Variants in TMEM132D observed in about 807,000 individuals in gnomAD.
TMEM132D encodes mature OL transmembrane protein.
In TMEM132D, 21 loss-of-function variants were observed where a neutral mutation model predicts 62.3. The ratio of observed to expected loss-of-function variants is 0.34; its 90% CI spans 0.24 to 0.49. TMEM132D has a LOEUF of 0.49. Among genes scored for constraint, TMEM132D ranks in the 20% least tolerant of loss-of-function variants. The pLI, the probability that TMEM132D is intolerant of heterozygous loss-of-function variation, is 0.99. For synonymous variants in TMEM132D, 621 were observed against 575.6 expected (o/e 1.08, Z -1.13); for missense variants, 1,346 against 1,402.8 (o/e 0.96, Z 0.65).
intron 2 of TMEM132D, among the ~76,000 whole-genome samples, chr12:129,655,076 T>TA (rs1477271084): frequency 1.3e-5 from 2 of 151,754 alleles, no homozygotes; most frequent in Non-Finnish European, 2.9e-5. Context: ...GCCTCCACAG[T>TA]AGATGGGACT....
intron 1 of TMEM132D, among the ~76,000 whole-genome samples, chr12:129,741,752 C>T (rs116335573): frequency 0.011 from 1,693 of 152,184 alleles, 31 homozygotes; most frequent in African/African-American, 0.039. Flanking sequence ...CCTATCTGTG[C>T]GACTTTAAAT....
At chr12:129,599,033 G>T (rs1216530633) in intron 2 of TMEM132D, among the ~76,000 whole-genome samples, 1 of 152,140 alleles carries the variant, frequency 6.6e-6, no homozygotes, top group East Asian at 1.9e-4. Flanking sequence ...TTTCCCCTGG[G>T]GTTGTTGAGA....
chr12:129,634,127 A>G (rs1027579929), intron 2 of TMEM132D, among the ~76,000 whole-genome samples: 5 of 152,084 alleles, frequency 3.3e-5, no homozygotes, highest in African/African-American at 1.2e-4. Flanking sequence ...CCTCCACAGC[A>G]GTGGTGTCCC....
chr12:129,316,857 A>G (rs139183699), intron 4 of TMEM132D, among the ~76,000 whole-genome samples: 1,887 of 152,224 alleles, frequency 0.012, 42 homozygotes, highest in African/African-American at 0.043. Context: ...GTTTAGGATT[A>G]TGATGATTTC....
At chr12:129,236,565 T>G (rs1879792667) in intron 4 of TMEM132D, among the ~76,000 whole-genome samples, 1 of 151,980 alleles carries the variant, frequency 6.6e-6, no homozygotes, top group African/African-American at 2.4e-5. Flanking sequence ...AACTGGCTTT[T>G]GTATGTTAAT....
At chr12:129,811,973 C>T (rs569270005) in intron 1 of TMEM132D, among the ~76,000 whole-genome samples, 33 of 151,898 alleles carry the variant, frequency 2.2e-4, no homozygotes, top group South Asian at 8.5e-4. Flanking sequence ...ATTTCAACCT[C>T]GTGAGATGCT....
intron 1 of TMEM132D, among the ~76,000 whole-genome samples, chr12:129,849,789 C>T (rs1873483351): frequency 6.6e-6 from 1 of 152,138 alleles, no homozygotes; most frequent in South Asian, 2.1e-4. Flanking sequence ...TATCAGTATA[C>T]ACGATTACAC....
intron 5 of TMEM132D, among the ~76,000 whole-genome samples, chr12:129,201,054 T>C (rs1050709609): frequency 2.6e-5 from 4 of 152,212 alleles, no homozygotes; most frequent in African/African-American, 9.7e-5. Flanking sequence ...TTGATGCTGT[T>C]GAAATGCTGT....
intron 2 of TMEM132D, among the ~76,000 whole-genome samples, chr12:129,555,663 G>C (rs1877034836): frequency 6.6e-6 from 1 of 152,056 alleles, no homozygotes; most frequent in Non-Finnish European, 1.5e-5. Context: ...CAATGTCCAG[G>C]CCTTTTAAAG....
At chr12:129,883,166 T>C (rs1167738279) in intron 1 of TMEM132D, among the ~76,000 whole-genome samples, 1 of 152,014 alleles carries the variant, frequency 6.6e-6, no homozygotes, top group East Asian at 1.9e-4. Flanking sequence ...CACAAAAAAA[T>C]TACTAAAACA....
At chr12:129,322,077 G>A (rs1166763571) in intron 4 of TMEM132D, among the ~76,000 whole-genome samples, 1 of 151,892 alleles carries the variant, frequency 6.6e-6, no homozygotes, top group Non-Finnish European at 1.5e-5. Context: ...CTTTCCACCA[G>A]CCTTAATTTT....
intron 8 of TMEM132D, 106 bp downstream of exon 8, chr12:129,078,428 T>C: frequency 1.7e-6 from 2 of 1,155,492 alleles, no homozygotes; most frequent in Non-Finnish European, 2.5e-6. Flanking sequence ...ACGCCCGATA[T>C]ATGATCCCAC....
intron 5 of TMEM132D, among the ~76,000 whole-genome samples, chr12:129,176,188 G>T (rs1877900362): frequency 6.6e-6 from 1 of 152,196 alleles, no homozygotes; most frequent in Non-Finnish European, 1.5e-5. Context: ...GAGGAGAGCA[G>T]ATTTCAACTC....
At chr12:129,888,519 G>A (rs1874818675) in intron 1 of TMEM132D, among the ~76,000 whole-genome samples, 1 of 152,112 alleles carries the variant, frequency 6.6e-6, no homozygotes, top group South Asian at 2.1e-4. Flanking sequence ...ACAACATGGT[G>A]AAACCCCATC....
At chr12:129,881,298 A>G (rs1447605795) in intron 1 of TMEM132D, among the ~76,000 whole-genome samples, 6 of 152,066 alleles carry the variant, frequency 3.9e-5, no homozygotes, top group East Asian at 1.9e-4. Flanking sequence ...AATAGAAAAT[A>G]TACATAAAGA....
chr12:129,244,849 C>T (rs1232366963), intron 4 of TMEM132D, among the ~76,000 whole-genome samples: 2 of 152,068 alleles, frequency 1.3e-5, no homozygotes, highest in Admixed American at 1.3e-4. Flanking sequence ...GCATATTGGC[C>T]AGGCTGGTCT....
intron 2 of TMEM132D, among the ~76,000 whole-genome samples, chr12:129,660,674 A>G (rs562657606): frequency 6.6e-6 from 1 of 152,280 alleles, no homozygotes; most frequent in Non-Finnish European, 1.5e-5. Flanking sequence ...GGAGTCACTC[A>G]TGTGCGGGGG....
intron 1 of TMEM132D, among the ~76,000 whole-genome samples, chr12:129,793,925 G>T (rs1198369231): frequency 6.6e-6 from 1 of 151,974 alleles, no homozygotes; most frequent in African/African-American, 2.4e-5. Context: ...CTTAATTTTT[G>T]TTTGTAAGTA....
At chr12:129,127,403 A>C (rs1876246307) in intron 5 of TMEM132D, among the ~76,000 whole-genome samples, 1 of 152,182 alleles carries the variant, frequency 6.6e-6, no homozygotes, top group African/African-American at 2.4e-5. Context: ...CTCAATTAAC[A>C]GTCAGATGTG....
Sources: gnomAD v4.1 joint callset for allele counts (sites outside exome capture counted in the v4.1 genomes callset) on GRCh38, gnomAD v4.1.1 for gene constraint, MANE v1.5 for transcripts, NCBI Gene and HGNC (gene_info 2026-07-23, HGNC 2026-07-21) for gene names.